CSMD3: variants seen among roughly 807,000 people sequenced by gnomAD.
The protein encoded by CSMD3 is CUB and Sushi multiple domains 3, also known as CUB and sushi domain-containing protein 3.
In CSMD3, 177 loss-of-function variants were observed where a neutral mutation model predicts 435.2. The observed-to-expected ratio is 0.41, with a 90% CI of 0.36 to 0.46. The LOEUF (loss-of-function observed/expected upper bound fraction) is 0.46, where lower values mean the gene tolerates loss of function less well. CSMD3 is among the 20% of genes least tolerant of loss of function. The pLI, the probability that CSMD3 is intolerant of heterozygous loss-of-function variation, is 0.34. For missense variants in CSMD3, 4,265 were observed against 4,504.6 expected (o/e 0.95, Z 1.52); for synonymous variants, 1,656 against 1,520.5 (o/e 1.09, Z -2.07).
At chr8:113,398,447 T>A (rs539920498) in intron 1 of CSMD3, among the ~76,000 whole-genome samples, 3 of 152,214 alleles carry the variant, frequency 2.0e-5, no homozygotes, top group African/African-American at 7.2e-5. Context: ...GAAAAGCAAA[T>A]CCCTAGTTTA....
intron 3 of CSMD3, among the ~76,000 whole-genome samples, chr8:113,241,198 C>G (rs2093211529): frequency 6.6e-6 from 1 of 151,804 alleles, no homozygotes; most frequent in Non-Finnish European, 1.5e-5. Flanking sequence ...ATAAGAATAA[C>G]AAGAAGAAAA....
At chr8:113,100,730 A>G (rs2090304061) in intron 4 of CSMD3, among the ~76,000 whole-genome samples, 1 of 152,158 alleles carries the variant, frequency 6.6e-6, no homozygotes, top group Non-Finnish European at 1.5e-5. Context: ...ATATTTCAAA[A>G]CGTCATTTGT....
intron 6 of CSMD3, among the ~76,000 whole-genome samples, chr8:112,992,887 T>G (rs1354673165): frequency 6.6e-6 from 1 of 151,466 alleles, no homozygotes; most frequent in South Asian, 2.1e-4. Context: ...AGAAAAAATA[T>G]GTGACACAGT....
Position 113,049,026 on chromosome 8 carries a change from G to A in CSMD3, c.918-29847C>T, listed in dbSNP as rs192891958. On this transcript the variant is annotated intron_variant, in intron 5 of 70. Coordinates refer to ENST00000297405, the MANE Select transcript of CSMD3 (RefSeq NM_198123.2). Reference sequence around the variant, plus strand: ...GGCCGAGGCAAGCAGATCACTTGAGGTCAAGAGTTCAAGACCAGCGTGGTC... The same window carrying A: ...GGCCGAGGCAAGCAGATCACTTGAGATCAAGAGTTCAAGACCAGCGTGGTC... Among the ~76,000 whole-genome samples, 15 of 152,174 alleles carry A rather than the reference G, an allele frequency of 9.9e-5. No individual in the cohort carries two copies. In the East Asian group the frequency reaches 2.3e-3, roughly 24 times the overall value.
At chr8:112,822,976 G>T (rs559076955) in intron 12 of CSMD3, among the ~76,000 whole-genome samples, 1 of 152,258 alleles carries the variant, frequency 6.6e-6, no homozygotes, top group African/African-American at 2.4e-5. Flanking sequence ...GTATCCCGGG[G>T]ATGAAGCTGA....
At chr8:113,239,109 C>G (rs1376554572) in intron 3 of CSMD3, among the ~76,000 whole-genome samples, 1 of 152,118 alleles carries the variant, frequency 6.6e-6, no homozygotes, top group Non-Finnish European at 1.5e-5. Flanking sequence ...AGCTGGGACA[C>G]TACGCTTTTC....
At chr8:112,493,448 C>T (rs1180618231) in intron 30 of CSMD3, among the ~76,000 whole-genome samples, 1 of 152,106 alleles carries the variant, frequency 6.6e-6, no homozygotes, top group East Asian at 1.9e-4. Flanking sequence ...CCACCTACAG[C>T]AAAATAAAAG....
intron 61 of CSMD3, among the ~76,000 whole-genome samples, chr8:112,257,263 T>C (rs903715636): frequency 6.6e-6 from 1 of 152,040 alleles, no homozygotes; most frequent in East Asian, 1.9e-4. Flanking sequence ...TAAAAACAAG[T>C]ATTGGAAGTT....
intron 13 of CSMD3, among the ~76,000 whole-genome samples, chr8:112,728,751 A>C (rs2132002085): frequency 6.6e-6 from 1 of 152,194 alleles, no homozygotes; most frequent in Middle Eastern, 3.4e-3. Context: ...CACATTAATA[A>C]ATTTGCATGC....
At chr8:113,187,139 G>A (rs1564405272) in intron 3 of CSMD3, among the ~76,000 whole-genome samples, 1 of 147,852 alleles carries the variant, frequency 6.8e-6, no homozygotes, top group African/African-American at 2.5e-5. Flanking sequence ...TTTGCTGGGA[G>A]TTTTTTTTTT....
At chr8:112,656,449 A>G in intron 17 of CSMD3, 108 bp from the exon 18 acceptor site, 2 of 770,204 alleles carry the variant, frequency 2.6e-6, no homozygotes, top group Middle Eastern at 3.5e-4. Context: ...TCCATTTTAT[A>G]TTATAATTTT....
chr8:113,317,114 A>G (rs1416975431), intron 1 of CSMD3, among the ~76,000 whole-genome samples: 2 of 152,270 alleles, frequency 1.3e-5, no homozygotes, highest in African/African-American at 2.4e-5. Context: ...AAAAAAATCA[A>G]TATTTGTGTA....
intron 1 of CSMD3, among the ~76,000 whole-genome samples, chr8:113,322,282 A>G (rs1324169586): frequency 6.6e-6 from 1 of 152,156 alleles, no homozygotes; most frequent in Non-Finnish European, 1.5e-5. Context: ...AAATTATCCT[A>G]TCTTCTCATG....
chr8:112,504,984 C>G (rs901457816), intron 29 of CSMD3, among the ~76,000 whole-genome samples: 3 of 152,122 alleles, frequency 2.0e-5, no homozygotes, highest in African/African-American at 7.2e-5. Context: ...TTGCCTGCAT[C>G]TAAGCAATAG....
intron 6 of CSMD3, among the ~76,000 whole-genome samples, chr8:112,998,883 T>C (rs2085755394): frequency 6.6e-6 from 1 of 151,916 alleles, no homozygotes. Flanking sequence ...TGTAAGACAC[T>C]CCTGCTTCCC....
At chr8:112,652,425 G>C (rs1014608752) in intron 18 of CSMD3, among the ~76,000 whole-genome samples, 1 of 152,062 alleles carries the variant, frequency 6.6e-6, no homozygotes, top group Non-Finnish European at 1.5e-5. Flanking sequence ...AGAAATGGGG[G>C]TTGCAGTGGT....
At chr8:113,283,350 A>T (rs563685340) in intron 2 of CSMD3, among the ~76,000 whole-genome samples, 1 of 152,122 alleles carries the variant, frequency 6.6e-6, no homozygotes, top group Non-Finnish European at 1.5e-5. Context: ...CAAAGGACTA[A>T]TATCCAGAAT....
intron 3 of CSMD3, among the ~76,000 whole-genome samples, chr8:113,174,848 A>T (rs1307987689): frequency 1.3e-5 from 2 of 151,950 alleles, no homozygotes; most frequent in African/African-American, 4.8e-5. Flanking sequence ...AATTTGAGTA[A>T]AGTCAGTAGT....
At chr8:112,348,369 A>G (rs1292556614) in intron 40 of CSMD3, among the ~76,000 whole-genome samples, 1 of 151,974 alleles carries the variant, frequency 6.6e-6, no homozygotes, top group African/African-American at 2.4e-5. Flanking sequence ...TCTCACATAA[A>G]TTTTCCTTCT....
Sources: gnomAD v4.1 joint callset for allele counts (sites outside exome capture counted in the v4.1 genomes callset) on GRCh38, gnomAD v4.1.1 for gene constraint, MANE v1.5 for transcripts, NCBI Gene and HGNC (gene_info 2026-07-23, HGNC 2026-07-21) for gene names.